FARSB: variants seen among roughly 807,000 people sequenced by gnomAD.
FARSB encodes phenylalanine--tRNA ligase beta subunit.
FARSB carries 40 observed loss-of-function variants against 69.6 expected under a neutral mutation model. That is an observed-to-expected ratio of 0.57 (90% CI 0.45 to 0.75). FARSB has a LOEUF of 0.75. FARSB is among the 30% of genes least tolerant of loss of function. FARSB has a pLI of 0.00. For missense variants in FARSB, 632 were observed against 722.9 expected, an observed-to-expected ratio of 0.87 and a Z score of 1.44; for synonymous variants, 235 against 247.2, an observed-to-expected ratio of 0.95 and a Z score of 0.46.
chr2:222,624,089 G>C (rs549832016), intron 12 of FARSB, among the ~76,000 whole-genome samples, 183 bp downstream of exon 12: 4 of 152,224 alleles, frequency 2.6e-5, no homozygotes, highest in Admixed American at 2.6e-4. Flanking sequence ...AGTCATCACA[G>C]GTTTTCAACT....
chr2:222,573,807 TA>T (rs1157611379), intron 16 of FARSB, among the ~76,000 whole-genome samples: 2 of 152,218 alleles, frequency 1.3e-5, no homozygotes, highest in Non-Finnish European at 2.9e-5. Context: ...CTGTGGTTTT[TA>T]TGAACTTTTA....
At chr2:222,587,727 T>C (rs7581466) in intron 16 of FARSB, among the ~76,000 whole-genome samples, 132,039 of 152,218 alleles carry the variant, frequency 0.87, 57,445 homozygotes, top group East Asian at 0.97. Flanking sequence ...ATACTATAAA[T>C]ACCTCTATGA....
At position 222,624,735 on chromosome 2, in the gene FARSB, AT is replaced by A; in HGVS notation, c.940del (p.Ile314LeufsTer18). The A allele has an allele frequency of 6.2e-7, 1 of 1,605,978 alleles. No individual in the cohort carries two copies. Among genetic ancestry groups the A allele is most frequent in the Non-Finnish European group, 8.5e-7 (1 of 1,175,638 alleles). Reference protein sequence around the residue: ...YRKEMVRADLINKKVGIRETP... With the variant: ...YRKEMVRADLXNKKVGIRETP... Reference sequence around the variant, plus strand: ...ATACCTGATTCCAACTTTTTTGTTAATTAGGTCAGCTCTCACCATCTCCTTT... The same window carrying A: ...ATACCTGATTCCAACTTTTTTGTTAATAGGTCAGCTCTCACCATCTCCTTT... On this transcript the variant is annotated frameshift_variant, in exon 11 of 17. Transcript: ENST00000281828. LOFTEE classifies it high-confidence loss of function.
chr2:222,583,260 G>T (rs1365265705), intron 16 of FARSB, among the ~76,000 whole-genome samples: 1 of 152,166 alleles, frequency 6.6e-6, no homozygotes, highest in East Asian at 1.9e-4. Context: ...ATTAGAAACA[G>T]TATATTTACA....
intron 14 of FARSB, among the ~76,000 whole-genome samples, chr2:222,619,319 T>TAAAAAAA (rs35884135): frequency 1.6e-5 from 2 of 124,026 alleles, no homozygotes; most frequent in African/African-American, 2.9e-5. Context: ...AAATAAAAAT[T>TAAAAAAA]AAAAAAAAAA....
At chr2:222,618,403 T>C (rs1283436610) in intron 14 of FARSB, among the ~76,000 whole-genome samples, 1 of 152,210 alleles carries the variant, frequency 6.6e-6, no homozygotes, top group Non-Finnish European at 1.5e-5. Context: ...ATATTATTTA[T>C]AATAGCATTA....
At chr2:222,606,287 C>T (rs183341167) in intron 15 of FARSB, among the ~76,000 whole-genome samples, 204 of 152,286 alleles carry the variant, frequency 1.3e-3, no homozygotes, top group African/African-American at 4.3e-3. Flanking sequence ...TCCACCCATT[C>T]CTCCTTGAAA....
intron 9 of FARSB, among the ~76,000 whole-genome samples, chr2:222,629,884 G>A (rs1691372420): frequency 6.6e-6 from 1 of 152,104 alleles, no homozygotes; most frequent in Admixed American, 6.5e-5. Flanking sequence ...AGGACTACAG[G>A]CGCAGGCCAC....
intron 1 of FARSB, among the ~76,000 whole-genome samples, chr2:222,653,001 G>A (rs746777027): frequency 6.6e-6 from 1 of 152,130 alleles, no homozygotes; most frequent in Non-Finnish European, 1.5e-5. Flanking sequence ...TTCCTCTAAC[G>A]AAATGACACA....
chr2:222,625,171 A>G (rs1190029508), intron 10 of FARSB, among the ~76,000 whole-genome samples: 2 of 152,214 alleles, frequency 1.3e-5, no homozygotes, highest in Non-Finnish European at 2.9e-5. Flanking sequence ...AGTAATTCCA[A>G]TATCACAGTG....
intron 16 of FARSB, among the ~76,000 whole-genome samples, chr2:222,594,845 C>T (rs1252517640): frequency 6.6e-6 from 1 of 152,120 alleles, no homozygotes; most frequent in African/African-American, 2.4e-5. Context: ...CTTGTGCATA[C>T]AAGAGAGTGA....
chr2:222,653,902 A>G (rs910108007), intron 1 of FARSB, among the ~76,000 whole-genome samples: 3 of 152,226 alleles, frequency 2.0e-5, no homozygotes, highest in Non-Finnish European at 2.9e-5. Context: ...GATTACAAGC[A>G]TCAGCCATGT....
chr2:222,577,304 T>C lies in FARSB; in HGVS notation c.1619-5282A>G, dbSNP rs534102527. 3.3e-5 allele frequency among the ~76,000 whole-genome samples: 5 copies of C among 152,290 alleles called. No homozygotes were observed. The South Asian group carries it at 1.0e-3, about 32-fold the overall frequency. The stretch of plus-strand genomic sequence containing the variant: ...TCTTCACCTTGCATTTGAAGTGAAA[T>C]ATTTATGGTACCTAAAGTCTGTAAA... On this transcript the variant is annotated intron_variant, in intron 16 of 16. Coordinates refer to ENST00000281828, the MANE Select transcript of FARSB (RefSeq NM_005687.5).
At chr2:222,586,053 T>C (rs963457361) in intron 16 of FARSB, among the ~76,000 whole-genome samples, 2 of 151,884 alleles carry the variant, frequency 1.3e-5, no homozygotes, top group African/African-American at 4.8e-5. Flanking sequence ...CTCCAAGACA[T>C]ATAATTGTCA....
intron 2 of FARSB, among the ~76,000 whole-genome samples, chr2:222,643,513 A>T (rs1172516843): frequency 6.6e-6 from 1 of 152,238 alleles, no homozygotes; most frequent in Non-Finnish European, 1.5e-5. Flanking sequence ...CCAAGAACAT[A>T]AAGTAACAAC....
chr2:222,640,685 AGCAGAGGTT>A (rs1691697804), intron 4 of FARSB, among the ~76,000 whole-genome samples, 168 bp downstream of exon 4: 1 of 152,204 alleles, frequency 6.6e-6, no homozygotes, highest in Non-Finnish European at 1.5e-5. Context: ...GAGCCTGGGA[AGCAGAGGTT>A]GCAGTGAGCC....
At position 222,634,532 on chromosome 2, in the gene FARSB, T is replaced by G. The variant is rs1267683890; in HGVS notation, c.465A>C (p.Ala155=). ...KLHQNICRKR[A]LVAIGTHDLD... ...AATCATGGGTACCAATGGCAACCAGTGCTCTTTTCCTAATTGTTGAGAGGT... is the reference window on the plus strand; with the variant it reads ...AATCATGGGTACCAATGGCAACCAGGGCTCTTTTCCTAATTGTTGAGAGGT... The change falls in exon 6 of 17, where the codon GCA becomes GCC. Residue 155 remains alanine (A), a synonymous_variant. Coordinates refer to ENST00000281828, the MANE Select transcript of FARSB (RefSeq NM_005687.5). 2 of 1,611,546 alleles carry G rather than the reference T, an allele frequency of 1.2e-6. No homozygotes were observed. The highest frequency in any genetic ancestry group is 1.7e-6 in the Non-Finnish European group (2 of 1,178,872).
At chr2:222,619,390 A>G (rs1691083379) in intron 14 of FARSB, among the ~76,000 whole-genome samples, 1 of 152,154 alleles carries the variant, frequency 6.6e-6, no homozygotes, top group Admixed American at 6.5e-5. Flanking sequence ...AAGTTCAGAC[A>G]AGAGAGATTG....
chr2:222,580,201 C>T lies in FARSB; in HGVS notation c.1619-8179G>A, dbSNP rs141269917. Among the ~76,000 whole-genome samples, 228 of 151,966 alleles carry T rather than the reference C, an allele frequency of 1.5e-3. 1 individual carries two copies. The highest frequency in any genetic ancestry group is 0.013 in the Admixed American group (198 of 15,250). ...CTGCTTTTTCAAGTGAGTTTGTATT[C>T]ACGTGTCTAAAGACATTTTAATCAC... On this transcript the variant is annotated intron_variant, in intron 16 of 16. Coordinates refer to ENST00000281828, the MANE Select transcript of FARSB (RefSeq NM_005687.5).
Sources: allele counts gnomAD v4.1 joint callset (sites outside exome capture counted in the v4.1 genomes callset), GRCh38; gene constraint gnomAD v4.1.1; transcripts MANE v1.5; gene names NCBI Gene and HGNC (gene_info 2026-07-23, HGNC 2026-07-21).